The following MLLT10 variants were observed in gnomAD, a reference collection of about 807,000 sequenced individuals.
MLLT10 encodes MLLT10 histone lysine methyltransferase DOT1L cofactor.
In MLLT10, 30 loss-of-function variants were observed where a neutral mutation model predicts 129.1. That is an observed-to-expected ratio of 0.23 (90% CI 0.17 to 0.32). MLLT10 has a LOEUF of 0.32. Among genes scored for constraint, MLLT10 ranks in the 10% least tolerant of loss-of-function variants. The pLI is 1.00. For missense variants in MLLT10, 1,119 were observed against 1,268.3 expected (o/e 0.88, Z 1.79); for synonymous variants, 490 against 446.4 (o/e 1.10, Z -1.23).
chr10:21,692,138 C>T (rs2131439371), intron 13 of MLLT10, among the ~76,000 whole-genome samples: 1 of 151,888 alleles, frequency 6.6e-6, no homozygotes, highest in Admixed American at 6.6e-5. Context: ...CACGCTACTG[C>T]ACTCCAGCCT....
At position 21,740,096 on chromosome 10, in the gene MLLT10, C is replaced by G. The variant is rs780279804; in HGVS notation, c.3022C>G (p.Leu1008Val). 2.5e-6 allele frequency: 4 copies of G among 1,614,124 alleles called. No individual in the cohort carries two copies. Among genetic ancestry groups the G allele is most frequent in the Admixed American group, 3.3e-5 (2 of 60,008 alleles). ...CCACCAGCAGCACCACCAACCTGAACTTCAGCAGCTGCAGATCCCTGGACC... is the reference window on the plus strand; with the variant it reads ...CCACCAGCAGCACCACCAACCTGAAGTTCAGCAGCTGCAGATCCCTGGACC... ...HHHQQHHQPE[L>V]QQLQIPGPTQ... The change falls in exon 22 of 23, where the codon CTT becomes GTT. Residue 1008 changes from leucine to valine, a missense_variant. Transcript: ENST00000307729.
intron 3 of MLLT10, among the ~76,000 whole-genome samples, chr10:21,574,860 C>A (rs150436429): frequency 6.6e-6 from 1 of 151,994 alleles, no homozygotes; most frequent in Admixed American, 6.6e-5. Flanking sequence ...GGGTTTTGGC[C>A]CCCTTCTTTA....
At chr10:21,548,050 A>G (rs1325652357) in intron 3 of MLLT10, among the ~76,000 whole-genome samples, 1 of 151,962 alleles carries the variant, frequency 6.6e-6, no homozygotes, top group African/African-American at 2.4e-5. Flanking sequence ...GTGTCTACGA[A>G]TTTCATTATT....
chr10:21,733,763 G>A lies in MLLT10; in HGVS notation c.2497-5G>A, dbSNP rs761084976. On this transcript the variant is annotated splice_polypyrimidine_tract_variant and splice_region_variant and intron_variant, in intron 19 of 22. Coordinates refer to ENST00000307729, the MANE Select transcript of MLLT10 (RefSeq NM_001195626.3). The stretch of plus-strand genomic sequence containing the variant: ...GGACTTAGTTTCTCTTCTTTCTTAC[G>A]CTAGGACTTAACCTCCAGTGGACAA... 2.9e-5 allele frequency: 47 copies of A among 1,606,064 alleles called. No homozygotes were observed. Among genetic ancestry groups the A allele is most frequent in the South Asian group, 8.9e-5 (8 of 90,056 alleles).
intron 3 of MLLT10, chr10:21,557,306 A>G (rs2038163559): frequency 2.1e-6 from 1 of 481,650 alleles, no homozygotes; most frequent in African/African-American, 2.1e-5. Context: ...GACACTGTCC[A>G]TTTTGTTCTT....
At chr10:21,607,562 C>T (rs1007496291) in intron 5 of MLLT10, among the ~76,000 whole-genome samples, 1 of 152,104 alleles carries the variant, frequency 6.6e-6, no homozygotes. Flanking sequence ...CCCAGGTGAT[C>T]CGCCCACCTT....
intron 8 of MLLT10, among the ~76,000 whole-genome samples, chr10:21,638,578 A>T (rs1242282482): frequency 6.6e-6 from 1 of 152,126 alleles, no homozygotes; most frequent in African/African-American, 2.4e-5. Flanking sequence ...ACGGTGGCTT[A>T]TGCCTGTAAT....
intron 13 of MLLT10, among the ~76,000 whole-genome samples, chr10:21,703,262 CT>C (rs1449128605): frequency 6.6e-6 from 1 of 151,420 alleles, no homozygotes; most frequent in Non-Finnish European, 1.5e-5. Flanking sequence ...GATAATTTTG[CT>C]GTATGTAATA....
At chr10:21,654,766 A>G (rs2049383857) in intron 9 of MLLT10, among the ~76,000 whole-genome samples, 2 of 152,164 alleles carry the variant, frequency 1.3e-5, no homozygotes, top group African/African-American at 2.4e-5. Context: ...AGTGAGGGTA[A>G]ATGCCAGGGG....
chr10:21,565,124 CCTT>C (rs2039387218), intron 3 of MLLT10, among the ~76,000 whole-genome samples: 1 of 151,910 alleles, frequency 6.6e-6, no homozygotes, highest in African/African-American at 2.4e-5. Flanking sequence ...TAAATAATTT[CCTT>C]CTTAGTCTCT....
chr10:21,710,281 C>T (rs1336497418), intron 13 of MLLT10, among the ~76,000 whole-genome samples: 1 of 152,070 alleles, frequency 6.6e-6, no homozygotes, highest in Non-Finnish European at 1.5e-5. Flanking sequence ...TATGGGGCCA[C>T]ATAGGTAACA....
At chr10:21,717,482 TTCCTCCTCC>T (rs766780330) in intron 14 of MLLT10, among the ~76,000 whole-genome samples, 125 of 115,328 alleles carry the variant, frequency 1.1e-3, no homozygotes, top group African/African-American at 2.1e-3. Context: ...TATTCTTATA[TTCCTCCTCC>T]TCCTCCTCCT....
At chr10:21,694,749 G>A (rs746284670) in intron 13 of MLLT10, among the ~76,000 whole-genome samples, 1 of 152,180 alleles carries the variant, frequency 6.6e-6, no homozygotes, top group African/African-American at 2.4e-5. Context: ...AAAGTTAGCA[G>A]CTTAAAACCA....
chr10:21,691,980 CA>C (rs1429180546), intron 13 of MLLT10, among the ~76,000 whole-genome samples: 1 of 114,618 alleles, frequency 8.7e-6, no homozygotes, highest in Admixed American at 1.2e-4. Context: ...TCCTGGCCAT[CA>C]TGGTGAAACC....
At chr10:21,588,396 CT>C (rs931170025) in intron 4 of MLLT10, among the ~76,000 whole-genome samples, 1 of 151,854 alleles carries the variant, frequency 6.6e-6, no homozygotes, top group Non-Finnish European at 1.5e-5. Context: ...CAGTATAGAG[CT>C]TTTTTTTCTT....
intron 13 of MLLT10, among the ~76,000 whole-genome samples, chr10:21,704,544 A>T (rs2055304018): frequency 6.6e-6 from 1 of 151,234 alleles, no homozygotes; most frequent in Non-Finnish European, 1.5e-5. Flanking sequence ...CAATATTTTT[A>T]AAAACTTTTT....
chr10:21,693,810 T>C, intron 13 of MLLT10, among the ~76,000 whole-genome samples: 1 of 152,234 alleles, frequency 6.6e-6, no homozygotes, highest in East Asian at 1.9e-4. Context: ...ATTTTTTAAA[T>C]CTCTCTTTTA....
intron 3 of MLLT10, among the ~76,000 whole-genome samples, chr10:21,555,508 T>G (rs1188172625): frequency 6.6e-6 from 1 of 151,692 alleles, no homozygotes; most frequent in African/African-American, 2.4e-5. Context: ...CAGGCGTGAG[T>G]CACAATGCCT....
chr10:21,621,141 G>T (rs2045793546), intron 8 of MLLT10, among the ~76,000 whole-genome samples: 1 of 149,770 alleles, frequency 6.7e-6, no homozygotes, highest in East Asian at 2.0e-4. Context: ...CCGCCACCAC[G>T]CCCGGCTAAT....
Sources: gnomAD v4.1 joint callset for allele counts (sites outside exome capture counted in the v4.1 genomes callset) on GRCh38, gnomAD v4.1.1 for gene constraint, MANE v1.5 for transcripts, NCBI Gene and HGNC (gene_info 2026-07-23, HGNC 2026-07-21) for gene names.